MAN2A1: variants seen among roughly 807,000 people sequenced by gnomAD.
MAN2A1 encodes the protein mannosidase alpha class 2A member 1, also known as alpha-mannosidase 2.
A neutral mutation model predicts 142.6 loss-of-function variants in MAN2A1; 76 were observed. That is an observed-to-expected ratio of 0.53 (90% CI 0.44 to 0.65). MAN2A1 has a LOEUF of 0.65. MAN2A1 is among the 30% of genes least tolerant of loss of function. The probability of loss-of-function intolerance (pLI) is 0.00; values close to 1 mark genes in which losing one functional copy is unlikely to be tolerated. For missense variants in MAN2A1, 1,311 were observed against 1,365.1 expected (o/e 0.96, Z 0.62); for synonymous variants, 559 against 473.2 (o/e 1.18, Z -2.35).
intron 10 of MAN2A1, 33 bp from the exon 11 acceptor site, chr5:109,788,901 G>A (rs1290295489): frequency 2.0e-6 from 2 of 984,412 alleles, no homozygotes; most frequent in Non-Finnish European, 3.2e-6. Flanking sequence ...TTTTTAAATT[G>A]TTTCTCAGAC....
At chr5:109,761,696 G>T (rs1273948250) in intron 5 of MAN2A1, among the ~76,000 whole-genome samples, 2 of 151,780 alleles carry the variant, frequency 1.3e-5, no homozygotes, top group Non-Finnish European at 2.9e-5. Context: ...AATGAATTAG[G>T]TAGTACTGAA....
intron 5 of MAN2A1, among the ~76,000 whole-genome samples, chr5:109,757,757 A>G (rs1213487523): frequency 6.6e-6 from 1 of 151,964 alleles, no homozygotes; most frequent in Non-Finnish European, 1.5e-5. Flanking sequence ...GTATATATGG[A>G]TTGGACTATT....
chr5:109,811,032 A>C (rs1754301960), intron 12 of MAN2A1, among the ~76,000 whole-genome samples: 1 of 151,588 alleles, frequency 6.6e-6, no homozygotes, highest in Admixed American at 6.6e-5. Flanking sequence ...TCTCATTTTT[A>C]AGATAGAAAA....
chr5:109,779,915 A>G (rs1753405954), intron 8 of MAN2A1, among the ~76,000 whole-genome samples: 2 of 152,196 alleles, frequency 1.3e-5, no homozygotes. Context: ...CTGTAAAAAT[A>G]TATTGCACCA....
At chr5:109,774,715 A>T in intron 7 of MAN2A1, 73 bp from the exon 8 acceptor site, 1 of 1,115,810 alleles carries the variant, frequency 9.0e-7, no homozygotes, top group Non-Finnish European at 1.3e-6. Flanking sequence ...TTTCCTTTTT[A>T]ATCAATTGTC....
intron 9 of MAN2A1, among the ~76,000 whole-genome samples, chr5:109,782,475 A>G (rs1561509529): frequency 6.6e-6 from 1 of 152,208 alleles, no homozygotes. Context: ...GGTTGTTGAT[A>G]AAGTTAAAAC....
chr5:109,856,871 A>G (rs1755616898), intron 20 of MAN2A1, among the ~76,000 whole-genome samples: 3 of 152,198 alleles, frequency 2.0e-5, no homozygotes, highest in African/African-American at 4.8e-5. Context: ...TTACTGCCAT[A>G]AAACACACAA....
intron 18 of MAN2A1, among the ~76,000 whole-genome samples, chr5:109,847,355 T>G (rs1383198814): frequency 6.6e-6 from 1 of 152,204 alleles, no homozygotes; most frequent in Non-Finnish European, 1.5e-5. Flanking sequence ...GGTTAATGTT[T>G]TGGAAAAAAA....
At chr5:109,723,878 G>T (rs532301448) in intron 3 of MAN2A1, among the ~76,000 whole-genome samples, 1 of 151,748 alleles carries the variant, frequency 6.6e-6, no homozygotes, top group Admixed American at 6.6e-5. Context: ...TTTTCTTTTG[G>T]TAAGACTTTA....
At chr5:109,810,062 G>T (rs1218748644) in intron 12 of MAN2A1, among the ~76,000 whole-genome samples, 3 of 151,702 alleles carry the variant, frequency 2.0e-5, no homozygotes, top group Non-Finnish European at 2.9e-5. Context: ...TGATTATTTT[G>T]TAATGTGTTA....
intron 12 of MAN2A1, among the ~76,000 whole-genome samples, chr5:109,810,527 G>A (rs947455114): frequency 6.6e-6 from 1 of 152,186 alleles, no homozygotes; most frequent in Admixed American, 6.5e-5. Context: ...CCCTTTCTGC[G>A]CAGCCTCAGT....
chr5:109,702,574 A>G (rs976307658), intron 1 of MAN2A1, among the ~76,000 whole-genome samples: 1 of 152,100 alleles, frequency 6.6e-6, no homozygotes. Context: ...AGAAGTAAAA[A>G]CTGTCTTTGA....
Position 109,714,189 on chromosome 5 carries a change from T to C in MAN2A1, c.390+415T>C, listed in dbSNP as rs566517179. Among the ~76,000 whole-genome samples, 77 of 151,974 alleles carry C rather than the reference T, an allele frequency of 5.1e-4. 1 individual carries two copies. Among genetic ancestry groups the C allele is most frequent in the African/African-American group, 1.8e-3 (75 of 41,454 alleles). ...AAGTAAGGTTAGACTTTTTTTTTTT[T>C]TTCTTAATATCCTTTTGCAAGAGGG... On this transcript the variant is annotated intron_variant, in intron 2 of 21. Coordinates refer to ENST00000261483, the MANE Select transcript of MAN2A1 (RefSeq NM_002372.4).
intron 12 of MAN2A1, among the ~76,000 whole-genome samples, chr5:109,804,910 T>C (rs749130228): frequency 1.3e-5 from 2 of 152,098 alleles, no homozygotes; most frequent in African/African-American, 2.4e-5. Flanking sequence ...GAAAATTAGG[T>C]TGTTTATGTA....
intron 9 of MAN2A1, among the ~76,000 whole-genome samples, chr5:109,782,882 A>C (rs762696540): frequency 6.6e-6 from 1 of 152,100 alleles, no homozygotes; most frequent in Non-Finnish European, 1.5e-5. Context: ...TATATTCATC[A>C]TTTATGTGTT....
At chr5:109,749,232 T>C (rs1191970243) in intron 4 of MAN2A1, among the ~76,000 whole-genome samples, 1 of 152,158 alleles carries the variant, frequency 6.6e-6, no homozygotes, top group Non-Finnish European at 1.5e-5. Context: ...GAGTGTGTCC[T>C]TCTGTGTGTG....
chr5:109,797,808 G>T (rs1236118955), intron 12 of MAN2A1, among the ~76,000 whole-genome samples: 1 of 152,132 alleles, frequency 6.6e-6, no homozygotes, highest in African/African-American at 2.4e-5. Flanking sequence ...CAGGCAGAAA[G>T]ACTATATTGT....
chr5:109,716,948 C>T (rs1751472343), intron 3 of MAN2A1, among the ~76,000 whole-genome samples: 1 of 152,264 alleles, frequency 6.6e-6, no homozygotes, highest in Non-Finnish European at 1.5e-5. Flanking sequence ...CTTCCCCCAC[C>T]CCTGACCCCG....
intron 5 of MAN2A1, among the ~76,000 whole-genome samples, chr5:109,765,241 T>A (rs1184656857): frequency 6.6e-6 from 1 of 152,180 alleles, no homozygotes; most frequent in African/African-American, 2.4e-5. Flanking sequence ...TTCCTTTTAT[T>A]TGAAACTGTT....
Sources: allele counts gnomAD v4.1 joint callset (sites outside exome capture counted in the v4.1 genomes callset), GRCh38; gene constraint gnomAD v4.1.1; transcripts MANE v1.5; gene names NCBI Gene and HGNC (gene_info 2026-07-23, HGNC 2026-07-21).